HS6ST3: variants seen among roughly 807,000 people sequenced by gnomAD.
HS6ST3 encodes heparan-sulfate 6-O-sulfotransferase 3.
A neutral mutation model predicts 36.7 loss-of-function variants in HS6ST3; 12 were observed. The ratio of observed to expected loss-of-function variants is 0.33; its 90% CI spans 0.21 to 0.53. The LOEUF (loss-of-function observed/expected upper bound fraction) is 0.53. Among genes scored for constraint, HS6ST3 ranks in the 20% least tolerant of loss-of-function variants. HS6ST3 has a pLI of 0.95. For missense variants in HS6ST3, 584 were observed against 640.9 expected, an observed-to-expected ratio of 0.91 and a Z score of 0.96; for synonymous variants, 240 against 257.5, an observed-to-expected ratio of 0.93 and a Z score of 0.65.
chr13:96,625,227 G>A (rs927114487), intron 1 of HS6ST3, among the ~76,000 whole-genome samples: 4 of 152,124 alleles, frequency 2.6e-5, no homozygotes, highest in African/African-American at 4.8e-5. Flanking sequence ...CATGACACTC[G>A]TGGGAATGTC....
chr13:96,430,184 G>T (rs1303922127), intron 1 of HS6ST3, among the ~76,000 whole-genome samples: 1 of 152,056 alleles, frequency 6.6e-6, no homozygotes, highest in East Asian at 1.9e-4. Flanking sequence ...ACAGTCTTTC[G>T]ATTTTCTATC....
intron 1 of HS6ST3, among the ~76,000 whole-genome samples, chr13:96,332,399 C>A (rs1294267579): frequency 6.6e-6 from 1 of 152,094 alleles, no homozygotes; most frequent in South Asian, 2.1e-4. Context: ...TTGAGAAAAT[C>A]TTATCTTTTT....
intron 1 of HS6ST3, among the ~76,000 whole-genome samples, chr13:96,746,285 T>G (rs1198753317): frequency 6.6e-6 from 1 of 152,072 alleles, no homozygotes; most frequent in Admixed American, 6.6e-5. Flanking sequence ...TTATCCAAGG[T>G]CATAGACTTG....
intron 1 of HS6ST3, among the ~76,000 whole-genome samples, chr13:96,415,863 C>A (rs2055530439): frequency 6.6e-6 from 1 of 152,134 alleles, no homozygotes; most frequent in African/African-American, 2.4e-5. Context: ...TATACTTGAT[C>A]TTGTGTTTGG....
intron 1 of HS6ST3, among the ~76,000 whole-genome samples, chr13:96,355,965 A>G (rs1042846600): frequency 2.0e-5 from 3 of 152,196 alleles, no homozygotes; most frequent in Non-Finnish European, 4.4e-5. Context: ...CTTCACCATG[A>G]GTAGTTTCCA....
chr13:96,803,659 C>G (rs1416682103), intron 1 of HS6ST3, among the ~76,000 whole-genome samples: 1 of 152,134 alleles, frequency 6.6e-6, no homozygotes, highest in Non-Finnish European at 1.5e-5. Context: ...AATTTGAAAT[C>G]TTGCCAGAAT....
intron 1 of HS6ST3, among the ~76,000 whole-genome samples, chr13:96,392,709 T>C (rs2055401991): frequency 6.6e-6 from 1 of 152,116 alleles, no homozygotes; most frequent in Admixed American, 6.5e-5. Context: ...GTGAAAATAA[T>C]TGGCATGGCT....
intron 1 of HS6ST3, among the ~76,000 whole-genome samples, chr13:96,714,041 G>A (rs1047856056): frequency 3.3e-5 from 5 of 151,818 alleles, no homozygotes; most frequent in Admixed American, 3.3e-4. Flanking sequence ...GCTCCCATGT[G>A]GTTTAAACAA....
intron 1 of HS6ST3, among the ~76,000 whole-genome samples, chr13:96,592,106 T>G (rs1331394998): frequency 6.6e-6 from 1 of 152,014 alleles, no homozygotes; most frequent in Non-Finnish European, 1.5e-5. Flanking sequence ...TGCTAGCATT[T>G]TGTTGAGAAT....
At chr13:96,166,042 T>G (rs2054158708) in intron 1 of HS6ST3, among the ~76,000 whole-genome samples, 1 of 151,156 alleles carries the variant, frequency 6.6e-6, no homozygotes, top group Admixed American at 6.6e-5. Flanking sequence ...ATTTATTTAT[T>G]TATTTATTTA....
chr13:96,680,748 C>T (rs1157178507), intron 1 of HS6ST3, among the ~76,000 whole-genome samples: 3 of 152,186 alleles, frequency 2.0e-5, no homozygotes, highest in African/African-American at 7.2e-5. Flanking sequence ...GCCATGGACA[C>T]ATTTTTCTTC....
chr13:96,525,986 C>T (rs567467624), intron 1 of HS6ST3, among the ~76,000 whole-genome samples: 1 of 152,114 alleles, frequency 6.6e-6, no homozygotes, highest in Non-Finnish European at 1.5e-5. Flanking sequence ...TACAGACATG[C>T]ATTATTATAC....
At chr13:96,195,108 C>T (rs1280964907) in intron 1 of HS6ST3, among the ~76,000 whole-genome samples, 1 of 152,168 alleles carries the variant, frequency 6.6e-6, no homozygotes, top group African/African-American at 2.4e-5. Flanking sequence ...GATGCTTTCA[C>T]TGTTACTAGT....
intron 1 of HS6ST3, among the ~76,000 whole-genome samples, chr13:96,139,998 C>T (rs968423413): frequency 9.2e-5 from 14 of 151,696 alleles, no homozygotes; most frequent in African/African-American, 3.1e-4. Context: ...AGATGTGGGA[C>T]AATTTGAAAA....
chr13:96,411,257 C>T (rs1021732596), intron 1 of HS6ST3, among the ~76,000 whole-genome samples: 4 of 152,256 alleles, frequency 2.6e-5, no homozygotes, highest in East Asian at 1.9e-4. Flanking sequence ...TCTTGACCAA[C>T]GAGGAAGCTG....
At chr13:96,230,579 G>C (rs1372646359) in intron 1 of HS6ST3, among the ~76,000 whole-genome samples, 2 of 152,112 alleles carry the variant, frequency 1.3e-5, no homozygotes, top group Non-Finnish European at 2.9e-5. Context: ...TGAGTTATAG[G>C]AGAAGAGGAG....
Position 96,400,155 on chromosome 13 carries a change from T to TCACACACACACACACA in HS6ST3, c.707+308601_707+308616dup, listed in dbSNP as rs55957302. Among the ~76,000 whole-genome samples the TCACACACACACACACA allele has an allele frequency of 1.6e-3, 231 of 145,466 alleles. 1 individual carries two copies. Among genetic ancestry groups the TCACACACACACACACA allele is most frequent in the African/African-American group, 5.3e-3 (209 of 39,250 alleles). ...TCCCTTCAATTCAGTAGTGCTGAAA[T>TCACACACACACACACA]CACACACACACACACACACACACAC... On this transcript the variant is annotated intron_variant, in intron 1 of 1. Transcript: ENST00000376705.
chr13:96,767,833 T>TA (rs1446886182), intron 1 of HS6ST3, among the ~76,000 whole-genome samples: 1 of 152,182 alleles, frequency 6.6e-6, no homozygotes, highest in Non-Finnish European at 1.5e-5. Context: ...GAAATTGTAC[T>TA]CAGAGCTGAA....
intron 1 of HS6ST3, among the ~76,000 whole-genome samples, chr13:96,455,493 G>T (rs950450449): frequency 4.6e-5 from 7 of 151,866 alleles, no homozygotes; most frequent in African/African-American, 7.3e-5. Flanking sequence ...CTCCCAAAGT[G>T]CTTGGATTAC....
Sources: allele counts gnomAD v4.1 joint callset (sites outside exome capture counted in the v4.1 genomes callset), GRCh38; gene constraint gnomAD v4.1.1; transcripts MANE v1.5; gene names NCBI Gene and HGNC (gene_info 2026-07-23, HGNC 2026-07-21).